GGA2: variants seen among roughly 807,000 people sequenced by gnomAD.
The protein encoded by GGA2 is ADP-ribosylation factor-binding protein GGA2.
In GGA2, 48 loss-of-function variants were observed where a neutral mutation model predicts 79.5. The observed-to-expected ratio is 0.60, with a 90% CI of 0.48 to 0.77. GGA2 has a LOEUF of 0.77. Among genes scored for constraint, GGA2 ranks in the 30% least tolerant of loss-of-function variants. The probability of loss-of-function intolerance (pLI) is 0.00; values close to 1 mark genes in which losing one functional copy is unlikely to be tolerated. For synonymous variants in GGA2, 317 were observed against 302.0 expected (o/e 1.05, Z -0.51); for missense variants, 770 against 774.0 (o/e 0.99, Z 0.06).
At chr16:23,492,378 A>T (rs2142132270) in intron 4 of GGA2, among the ~76,000 whole-genome samples, 1 of 152,302 alleles carries the variant, frequency 6.6e-6, no homozygotes, top group African/African-American at 2.4e-5. Context: ...TGTGAACTAG[A>T]GATTGAGTTC....
intron 10 of GGA2, chr16:23,480,220 A>G (rs1964630316): frequency 2.9e-6 from 1 of 341,862 alleles, no homozygotes; most frequent in South Asian, 3.3e-5. Flanking sequence ...ACAGTGCTTG[A>G]AAGACGCACA....
At chr16:23,481,944 T>C (rs1314225534) in intron 9 of GGA2, among the ~76,000 whole-genome samples, 1 of 152,068 alleles carries the variant, frequency 6.6e-6, no homozygotes, top group East Asian at 1.9e-4. Context: ...CAGGGCAATC[T>C]GAACACTGAC....
rs1964424928 is a variant in GGA2 at position 23,465,537 on chromosome 16, CTT to C, written c.*2051_*2052del. On this transcript the variant is annotated 3_prime_UTR_variant, in exon 17 of 17. Coordinates refer to ENST00000309859, the MANE Select transcript of GGA2 (RefSeq NM_015044.4). ...CCTAACTATAGGGGAGAAAGCCTGT[CTT>C]TATGTATAAGTCTCATTCACCCATT... 1.6e-6 allele frequency: 1 copy of C among 641,760 alleles called. No individual in the cohort carries two copies. The highest frequency in any genetic ancestry group is 1.8e-5 in the African/African-American group (1 of 55,456). The allele number at this position is 641,760 out of a possible 1,614,324, so 39.8% of individuals were successfully genotyped here.
At chr16:23,486,823 C>T (rs910516833) in intron 6 of GGA2, 33 bp from the exon 7 acceptor site, 3 of 1,234,978 alleles carry the variant, frequency 2.4e-6, no homozygotes, top group African/African-American at 3.0e-5. Context: ...GTAGGTGAGA[C>T]CACAACTCCC....
At chr16:23,507,945 G>C (rs1272062749) in intron 1 of GGA2, among the ~76,000 whole-genome samples, 1 of 152,138 alleles carries the variant, frequency 6.6e-6, no homozygotes, top group Non-Finnish European at 1.5e-5. Flanking sequence ...GGGTGACACA[G>C]TGAGACTCTG....
intron 3 of GGA2, chr16:23,493,764 A>C (rs1435831003): frequency 3.0e-6 from 1 of 333,640 alleles, no homozygotes; most frequent in Non-Finnish European, 5.6e-6. Flanking sequence ...TAAAGAACCA[A>C]CCCCTCCCCA....
chr16:23,468,910 CA>C lies in GGA2; in HGVS notation c.1706del (p.Met569SerfsTer18). The C allele has an allele frequency of 9.3e-6, 15 of 1,607,242 alleles. No homozygotes were observed. The highest frequency in any genetic ancestry group is 1.3e-5 in the Non-Finnish European group (15 of 1,173,764). ...CTTTGTGTGGATTGTCAAGCAGCAGCATCTGAGATATCACAGCTGGAGGCAT... is the reference window on the plus strand; with the variant it reads ...CTTTGTGTGGATTGTCAAGCAGCAGCTCTGAGATATCACAGCTGGAGGCAT... ...PLMPPAVISQ[M>X]LLLDNPHKEP... On this transcript the variant is annotated frameshift_variant, in exon 16 of 17. Coordinates refer to ENST00000309859, the MANE Select transcript of GGA2 (RefSeq NM_015044.4). LOFTEE classifies it high-confidence loss of function.
chr16:23,476,312 G>A (rs963431828), intron 13 of GGA2, among the ~76,000 whole-genome samples: 1 of 152,176 alleles, frequency 6.6e-6, no homozygotes, highest in African/African-American at 2.4e-5. Flanking sequence ...TTCTGCCTGA[G>A]CCTGGTGGTT....
chr16:23,513,610 C>T (rs1035070512), upstream of GGA2, among the ~76,000 whole-genome samples: 3 of 151,612 alleles, frequency 2.0e-5, no homozygotes, highest in Non-Finnish European at 2.9e-5. Context: ...ATGGTGAAAC[C>T]GCGTGTCTAC....
At chr16:23,513,066 C>T (rs1965082951), upstream of GGA2, among the ~76,000 whole-genome samples, 1 of 152,160 alleles carries the variant, frequency 6.6e-6, no homozygotes, top group Admixed American at 6.5e-5. Flanking sequence ...CAACACTGGA[C>T]CCGGCTTTCC....
intron 1 of GGA2, among the ~76,000 whole-genome samples, chr16:23,499,865 G>C (rs527448279): frequency 1.8e-4 from 28 of 152,342 alleles, no homozygotes; most frequent in Middle Eastern, 3.4e-3. Flanking sequence ...ATGAAAGGTA[G>C]GGGTGGGGCC....
At chr16:23,469,233 T>A (rs947737366) in intron 15 of GGA2, 3 of 408,150 alleles carry the variant, frequency 7.4e-6, no homozygotes, top group Non-Finnish European at 1.4e-5. Context: ...GTGTGGTCAA[T>A]AACCGGCATC....
At chr16:23,524,228 T>G, upstream of GGA2, 1 of 743,114 alleles carries the variant, frequency 1.3e-6, no homozygotes, top group Non-Finnish European at 2.4e-6. Flanking sequence ...ACAAATGCAC[T>G]TGTGTGCAGT....
intron 14 of GGA2, 84 bp downstream of exon 14, chr16:23,474,819 CT>C: frequency 9.7e-7 from 1 of 1,025,746 alleles, no homozygotes; most frequent in Middle Eastern, 2.5e-4. Context: ...AGGGCCACCT[CT>C]ATCAAACTGG....
chr16:23,467,387 A>ACACAC lies in GGA2; in HGVS notation c.*202_*203insGTGTG, dbSNP rs1964451036. 3.2e-6 allele frequency: 1 copy of ACACAC among 308,086 alleles called. No homozygotes were observed. The highest frequency in any genetic ancestry group is 5.8e-6 in the Non-Finnish European group (1 of 172,582). The allele number at this position is 308,086 out of a possible 1,614,324, so 19.1% of individuals were successfully genotyped here. On this transcript the variant is annotated 3_prime_UTR_variant, in exon 17 of 17. Transcript: ENST00000309859. ...GCCCTGTGCTACCACCCTCTCCCCG[A>ACACAC]ACACACACACACACACACACACACA...
Position 23,486,682 on chromosome 16 carries a change from C to A in GGA2, c.660+28G>T, listed in dbSNP as rs1964716978. 5.3e-6 allele frequency: 7 copies of A among 1,326,196 alleles called. 1 individual carries two copies. The highest frequency in any genetic ancestry group is 1.1e-6 in the Non-Finnish European group (1 of 916,610). The allele number at this position is 1,326,196 out of a possible 1,614,324, so 82.2% of individuals were successfully genotyped here. The stretch of plus-strand genomic sequence containing the variant: ...CTTCAGCCTCTGTCAAATGCTACTT[C>A]TACTGAACCAACTGGAAGAATGCCC... On this transcript the variant is annotated intron_variant, in intron 7 of 16. Coordinates refer to ENST00000309859, the MANE Select transcript of GGA2 (RefSeq NM_015044.4).
At chr16:23,485,233 G>C (rs1346028234) in intron 8 of GGA2, among the ~76,000 whole-genome samples, 1 of 152,214 alleles carries the variant, frequency 6.6e-6, no homozygotes, top group Admixed American at 6.5e-5. Flanking sequence ...CTGGGGAAAG[G>C]GGAGTTTGGG....
upstream of GGA2, chr16:23,510,505 C>A (rs936981556): frequency 7.4e-5 from 34 of 457,654 alleles, no homozygotes; most frequent in Non-Finnish European, 1.1e-4. Flanking sequence ...GCGGCAGGAG[C>A]GGTGGACACG....
At position 23,467,495 on chromosome 16, in the gene GGA2, T is replaced by G. The variant is rs1436272149; in HGVS notation, c.*95A>C. On this transcript the variant is annotated 3_prime_UTR_variant, in exon 17 of 17. Transcript: ENST00000309859. ...GAGCCTGACGTCAGGATAGGACTCT[T>G]GGCACTCCGCACTGAAACACCGTGA... is the stretch of plus-strand genomic sequence containing the variant. 1 of 694,438 alleles carries G rather than the reference T, an allele frequency of 1.4e-6. No homozygotes were observed. The highest frequency in any genetic ancestry group is 2.6e-6 in the Non-Finnish European group (1 of 378,750). The allele number at this position is 694,438 out of a possible 1,614,324, so 43.0% of individuals were successfully genotyped here. A position where few individuals can be genotyped will look rare whatever the true frequency, so the allele number is the denominator to read the frequency against.
Sources: gnomAD v4.1 joint callset for allele counts (sites outside exome capture counted in the v4.1 genomes callset) on GRCh38, gnomAD v4.1.1 for gene constraint, MANE v1.5 for transcripts, NCBI Gene and HGNC (gene_info 2026-07-23, HGNC 2026-07-21) for gene names.